The following MAPK8 variants were observed in gnomAD, a reference collection of about 807,000 sequenced individuals.
The protein encoded by MAPK8 is mitogen-activated protein kinase 8, also known as JUN N-terminal kinase.
A neutral mutation model predicts 52.9 loss-of-function variants in MAPK8; 13 were observed. The observed-to-expected ratio is 0.25, with a 90% CI of 0.16 to 0.39. The LOEUF (loss-of-function observed/expected upper bound fraction) is 0.39, where lower values mean the gene tolerates loss of function less well. Among genes scored for constraint, MAPK8 ranks in the 10% least tolerant of loss-of-function variants. The pLI, the probability that MAPK8 is intolerant of heterozygous loss-of-function variation, is 1.00. For synonymous variants in MAPK8, 191 were observed against 169.8 expected, an observed-to-expected ratio of 1.12 and a Z score of -0.97; for missense variants, 300 against 519.2, an observed-to-expected ratio of 0.58 and a Z score of 4.10.
In MAPK8 at chr10:48,435,135, A is replaced by G. The variant is rs547238183; in HGVS notation, c.*106A>G. ...CTTATTTTTGGGTGATTTTTCAAAA[A>G]ATGTAGAATTCATTTTGTAGTAAAG... is the stretch of plus-strand genomic sequence containing the variant. On this transcript the variant is annotated 3_prime_UTR_variant, in exon 12 of 12. Transcript: ENST00000374189. The G allele has an allele frequency of 4.4e-5, 39 of 877,460 alleles. No homozygotes were observed. The South Asian group carries it at 8.9e-4, about 20-fold the overall frequency. The allele number at this position is 877,460 out of a possible 1,614,324, so 54.4% of individuals were successfully genotyped here. A position where few individuals can be genotyped will look rare whatever the true frequency, so the allele number is the denominator to read the frequency against.
In MAPK8 at chr10:48,401,677, G is replaced by T; in HGVS notation, c.17G>T (p.Arg6Leu). ...CTTGCCATCATGAGCAGAAGCAAGCGTGACAACAATTTTTATAGTGTAGAG... is the reference window on the plus strand; with the variant it reads ...CTTGCCATCATGAGCAGAAGCAAGCTTGACAACAATTTTTATAGTGTAGAG... MSRSK[R>L]DNNFYSVEIG... The change falls in exon 2 of 12, where the codon CGT (arginine) becomes CTT (leucine). Residue 6 changes from arginine (R) to leucine (L), a missense_variant. By Grantham distance (102) the Arg-to-Leu change is moderately radical. Coordinates refer to ENST00000374189, the MANE Select transcript of MAPK8 (RefSeq NM_001323329.2). 6.2e-7 allele frequency: 1 copy of T among 1,609,390 alleles called. No individual in the cohort carries two copies. The highest frequency in any genetic ancestry group is 8.5e-7 in the Non-Finnish European group (1 of 1,178,212).
intron 1 of MAPK8, among the ~76,000 whole-genome samples, chr10:48,328,038 A>T (rs1346350069): frequency 6.6e-6 from 1 of 151,854 alleles, no homozygotes; most frequent in East Asian, 1.9e-4. Context: ...TTTTTTTGAG[A>T]CAAAGAGTCT....
At chr10:48,424,818 G>T (rs1188294778) in intron 7 of MAPK8, among the ~76,000 whole-genome samples, 1 of 151,952 alleles carries the variant, frequency 6.6e-6, no homozygotes, top group East Asian at 1.9e-4. Context: ...GCTTTGAGTT[G>T]ATTTAACCTA....
intron 1 of MAPK8, among the ~76,000 whole-genome samples, chr10:48,361,197 C>T (rs1453105666): frequency 1.3e-5 from 2 of 152,114 alleles, no homozygotes; most frequent in Non-Finnish European, 1.5e-5. Context: ...TTTTGTATTT[C>T]CGTACGTCTG....
At chr10:48,410,447 A>G in intron 5 of MAPK8, 1 of 273,602 alleles carries the variant, frequency 3.7e-6, no homozygotes, top group Non-Finnish European at 6.8e-6. Flanking sequence ...TGATGTTTTC[A>G]AGATTTCTCC....
At chr10:48,351,551 C>T (rs1485053661) in intron 1 of MAPK8, among the ~76,000 whole-genome samples, 1 of 151,542 alleles carries the variant, frequency 6.6e-6, no homozygotes, top group African/African-American at 2.4e-5. Flanking sequence ...AGTGCTTCAA[C>T]AAGCAGTTAT....
chr10:48,335,827 A>C (rs1007417910), intron 1 of MAPK8, among the ~76,000 whole-genome samples: 5 of 152,330 alleles, frequency 3.3e-5, no homozygotes, highest in African/African-American at 1.2e-4. Context: ...ACCAGAATTT[A>C]ACAAGGTAAC....
At chr10:48,326,372 A>T (rs562909889) in intron 1 of MAPK8, among the ~76,000 whole-genome samples, 1 of 152,166 alleles carries the variant, frequency 6.6e-6, no homozygotes, top group East Asian at 1.9e-4. Context: ...TGCCTGTGAC[A>T]TACTTCCATC....
chr10:48,421,815 T>C (rs1261766241), intron 6 of MAPK8, among the ~76,000 whole-genome samples: 2 of 151,836 alleles, frequency 1.3e-5, no homozygotes, highest in Admixed American at 6.6e-5. Context: ...AAAAATAAAA[T>C]AGAATAAAAA....
chr10:48,387,021 G>GT (rs896111907), intron 1 of MAPK8, among the ~76,000 whole-genome samples: 4 of 152,166 alleles, frequency 2.6e-5, no homozygotes, highest in African/African-American at 7.2e-5. Flanking sequence ...TGTTGAGACA[G>GT]TTTCTGTCTT....
chr10:48,410,556 G>T (rs1275602323), intron 5 of MAPK8, among the ~76,000 whole-genome samples: 1 of 152,088 alleles, frequency 6.6e-6, no homozygotes, highest in East Asian at 1.9e-4. Context: ...GGACATTTGG[G>T]TTATTTCTAC....
chr10:48,424,250 T>A lies in MAPK8; in HGVS notation c.688+91T>A, dbSNP rs113091706. 499 of 1,214,824 alleles carry A rather than the reference T, an allele frequency of 4.1e-4. No individual in the cohort carries two copies. The African/African-American group carries it at 6.8e-3, about 17-fold the overall frequency. 75.3% of individuals were successfully genotyped at this position (1,214,824 alleles called of 1,614,324 possible). On this transcript the variant is annotated intron_variant, in intron 7 of 11. Coordinates refer to ENST00000374189, the MANE Select transcript of MAPK8 (RefSeq NM_001323329.2). ...AATGAATATGCTACATTTACACAGA[T>A]GGGTTTTTAAACAGGCATAAAGTTT...
At chr10:48,403,176 C>T (rs2042246804) in intron 2 of MAPK8, among the ~76,000 whole-genome samples, 2 of 152,070 alleles carry the variant, frequency 1.3e-5, no homozygotes, top group African/African-American at 4.8e-5. Context: ...AAATTCAGAG[C>T]AAGCCGGGCG....
chr10:48,386,350 T>G (rs2041309581), intron 1 of MAPK8, among the ~76,000 whole-genome samples: 1 of 152,216 alleles, frequency 6.6e-6, no homozygotes, highest in Non-Finnish European at 1.5e-5. Flanking sequence ...ATAAAAATTT[T>G]ATGGAAATTT....
intron 1 of MAPK8, among the ~76,000 whole-genome samples, chr10:48,325,413 G>A (rs1394973582): frequency 1.3e-5 from 2 of 152,228 alleles, no homozygotes; most frequent in East Asian, 3.9e-4. Context: ...TAACCAATTT[G>A]GAGTAGTCAT....
At chr10:48,359,069 G>A (rs964773771) in intron 1 of MAPK8, among the ~76,000 whole-genome samples, 11 of 152,210 alleles carry the variant, frequency 7.2e-5, no homozygotes, top group African/African-American at 1.9e-4. Context: ...TAAAAAACCC[G>A]ACTTTTGGTT....
intron 1 of MAPK8, among the ~76,000 whole-genome samples, chr10:48,377,380 T>G (rs1282467383): frequency 6.6e-6 from 1 of 152,100 alleles, no homozygotes; most frequent in Non-Finnish European, 1.5e-5. Flanking sequence ...ATACATTTCT[T>G]GGACCCGTGG....
At chr10:48,348,712 T>C (rs1384062735) in intron 1 of MAPK8, among the ~76,000 whole-genome samples, 2 of 152,184 alleles carry the variant, frequency 1.3e-5, no homozygotes, top group African/African-American at 4.8e-5. Context: ...TGTGGTGTTA[T>C]TTCTGAGGCC....
intron 1 of MAPK8, among the ~76,000 whole-genome samples, chr10:48,317,700 G>A (rs1842635400): frequency 6.6e-6 from 1 of 152,140 alleles, no homozygotes; most frequent in South Asian, 2.1e-4. Flanking sequence ...TCTAACAGGA[G>A]GAAATGCAGA....
Sources: gnomAD v4.1 joint callset for allele counts (sites outside exome capture counted in the v4.1 genomes callset) on GRCh38, gnomAD v4.1.1 for gene constraint, MANE v1.5 for transcripts, NCBI Gene and HGNC (gene_info 2026-07-23, HGNC 2026-07-21) for gene names.